RNF180: variants seen among roughly 807,000 people sequenced by gnomAD.
RNF180 encodes the protein ring finger protein 180, also known as E3 ubiquitin-protein ligase RNF180.
Under a neutral mutation model 59.2 loss-of-function variants are expected in RNF180, and 38 were observed. The observed-to-expected ratio is 0.64, with a 90% CI of 0.50 to 0.84. The LOEUF (loss-of-function observed/expected upper bound fraction) is 0.84, where lower values mean the gene tolerates loss of function less well. Among genes scored for constraint, RNF180 ranks in the 40% least tolerant of loss-of-function variants. The pLI is 0.00. For synonymous variants in RNF180, 262 were observed against 240.3 expected, an observed-to-expected ratio of 1.09 and a Z score of -0.84; for missense variants, 705 against 700.9, an observed-to-expected ratio of 1.01 and a Z score of -0.07.
At chr5:64,277,378 G>A (rs951929537) in intron 5 of RNF180, among the ~76,000 whole-genome samples, 1 of 152,074 alleles carries the variant, frequency 6.6e-6, no homozygotes, top group Non-Finnish European at 1.5e-5. Flanking sequence ...ATCAATATAT[G>A]CTGACTTATA....
At chr5:64,245,377 T>A (rs1316984115) in intron 5 of RNF180, among the ~76,000 whole-genome samples, 1 of 152,060 alleles carries the variant, frequency 6.6e-6, no homozygotes. Flanking sequence ...GAGACCAATC[T>A]CACATGCAAA....
intron 7 of RNF180, among the ~76,000 whole-genome samples, chr5:64,360,816 G>A (rs546706546): frequency 6.6e-6 from 1 of 151,738 alleles, no homozygotes; most frequent in Non-Finnish European, 1.5e-5. Context: ...CAGAGTAGCA[G>A]CATTTGTGAT....
At chr5:64,236,737 C>T (rs189584080) in intron 5 of RNF180, among the ~76,000 whole-genome samples, 49 of 152,234 alleles carry the variant, frequency 3.2e-4, no homozygotes, top group African/African-American at 8.9e-4. Context: ...CTGCTCTGTG[C>T]GGCTTCAGGC....
intron 5 of RNF180, among the ~76,000 whole-genome samples, chr5:64,256,434 C>T (rs1424803590): frequency 6.6e-6 from 1 of 152,080 alleles, no homozygotes; most frequent in African/African-American, 2.4e-5. Context: ...AGCCAGTTTC[C>T]CCAGCACCAT....
At chr5:64,325,159 A>G (rs1298872032) in intron 5 of RNF180, 27 bp from the exon 6 acceptor site, 7 of 1,445,018 alleles carry the variant, frequency 4.8e-6, no homozygotes, top group Non-Finnish European at 6.7e-6. Flanking sequence ...TACTAAATTA[A>G]GAAAAAAGTT....
chr5:64,192,903 G>GTGTGTATATATATATATATA (rs1486448173), intron 1 of RNF180, among the ~76,000 whole-genome samples: 5 of 93,876 alleles, frequency 5.3e-5, no homozygotes, highest in African/African-American at 2.1e-4. Context: ...AGTGTGGCAT[G>GTGTGTATATATATATATATA]TATATATATA....
chr5:64,341,472 T>C (rs1467254237), intron 7 of RNF180, among the ~76,000 whole-genome samples: 10 of 152,158 alleles, frequency 6.6e-5, no homozygotes, highest in Admixed American at 5.2e-4. Context: ...ATTTCAGAAA[T>C]GTTCAAGTGT....
At chr5:64,282,832 A>T (rs1400710485) in intron 5 of RNF180, among the ~76,000 whole-genome samples, 1 of 152,150 alleles carries the variant, frequency 6.6e-6, no homozygotes, top group African/African-American at 2.4e-5. Context: ...TGACTTTAGT[A>T]TTGATTTCTA....
chr5:64,192,903 G>GTGTGTGTATATATATATATA (rs1486448173), intron 1 of RNF180, among the ~76,000 whole-genome samples: 1 of 93,870 alleles, frequency 1.1e-5, no homozygotes, highest in African/African-American at 4.1e-5. Flanking sequence ...AGTGTGGCAT[G>GTGTGTGTATATATATATATA]TATATATATA....
intron 5 of RNF180, among the ~76,000 whole-genome samples, chr5:64,315,662 G>A (rs985549984): frequency 1.3e-5 from 2 of 151,378 alleles, no homozygotes; most frequent in African/African-American, 2.4e-5. Flanking sequence ...CTTGAACCTG[G>A]GGGGCAGAGG....
chr5:64,300,254 G>A (rs933018695), intron 5 of RNF180, among the ~76,000 whole-genome samples: 1 of 151,678 alleles, frequency 6.6e-6, no homozygotes, highest in Non-Finnish European at 1.5e-5. Context: ...ACATTGTGAA[G>A]GAAAAAAATT....
At chr5:64,230,871 T>C (rs1007392910) in intron 5 of RNF180, among the ~76,000 whole-genome samples, 9 of 152,196 alleles carry the variant, frequency 5.9e-5, no homozygotes, top group African/African-American at 2.2e-4. Context: ...TAGTTTTTCT[T>C]GGGGTTCTGA....
chr5:64,210,202 G>T (rs1329946291), intron 2 of RNF180, among the ~76,000 whole-genome samples: 1 of 152,088 alleles, frequency 6.6e-6, no homozygotes, highest in Non-Finnish European at 1.5e-5. Context: ...TAAATTTTTA[G>T]TAAGTAACCC....
intron 5 of RNF180, among the ~76,000 whole-genome samples, chr5:64,225,934 C>T (rs149958538): frequency 3.2e-4 from 46 of 142,372 alleles, no homozygotes; most frequent in African/African-American, 6.9e-4. Context: ...AAGTGAGGAG[C>T]GCCTCTGCCC....
chr5:64,288,919 A>G (rs1742428244), intron 5 of RNF180, among the ~76,000 whole-genome samples: 1 of 152,200 alleles, frequency 6.6e-6, no homozygotes, highest in Non-Finnish European at 1.5e-5. Context: ...CAGAACTTCT[A>G]ATACTATGTT....
chr5:64,228,947 G>A (rs1741946389), intron 5 of RNF180, among the ~76,000 whole-genome samples: 1 of 120,532 alleles, frequency 8.3e-6, no homozygotes, highest in African/African-American at 3.4e-5. Flanking sequence ...TTTGAGACAA[G>A]GTCTCACTCT....
intron 5 of RNF180, among the ~76,000 whole-genome samples, chr5:64,243,607 A>G (rs776704871): frequency 6.6e-5 from 10 of 152,224 alleles, no homozygotes; most frequent in Non-Finnish European, 1.3e-4. Context: ...AGATACTTCT[A>G]TACTCCCATC....
At chr5:64,313,874 G>A (rs1743908854) in intron 5 of RNF180, among the ~76,000 whole-genome samples, 1 of 152,060 alleles carries the variant, frequency 6.6e-6, no homozygotes, top group Admixed American at 6.6e-5. Context: ...GTATCTTGTT[G>A]TGGCTTTGAT....
chr5:64,306,048 A>C (rs2112467702), intron 5 of RNF180, among the ~76,000 whole-genome samples: 1 of 151,830 alleles, frequency 6.6e-6, no homozygotes, highest in South Asian at 2.1e-4. Flanking sequence ...AGGGATTAAA[A>C]GTAGCTAATT....
Sources: allele counts gnomAD v4.1 joint callset (sites outside exome capture counted in the v4.1 genomes callset), GRCh38; gene constraint gnomAD v4.1.1; transcripts MANE v1.5; gene names NCBI Gene and HGNC (gene_info 2026-07-23, HGNC 2026-07-21).